ANKS1B: variants seen among roughly 807,000 people sequenced by gnomAD.
ANKS1B encodes the protein ankyrin repeat and sterile alpha motif domain containing 1B, also known as ankyrin repeat and sterile alpha motif domain-containing protein 1B.
A neutral mutation model predicts 148.3 loss-of-function variants in ANKS1B; 36 were observed. The ratio of observed to expected loss-of-function variants is 0.24; its 90% confidence interval spans 0.19 to 0.32. ANKS1B has a LOEUF of 0.32. Ranked by LOEUF, ANKS1B falls within the 10% of genes least tolerant of loss-of-function variation. The pLI is 1.00. For missense variants in ANKS1B, 1,157 were observed against 1,542.6 expected (o/e 0.75, Z 4.19); for synonymous variants, 542 against 560.8 (o/e 0.97, Z 0.47).
intron 12 of ANKS1B, among the ~76,000 whole-genome samples, chr12:99,260,217 A>C (rs1398506895): frequency 6.6e-6 from 1 of 152,250 alleles, no homozygotes; most frequent in African/African-American, 2.4e-5. Flanking sequence ...TAAAACAAAA[A>C]AAGATCTACG....
intron 11 of ANKS1B, among the ~76,000 whole-genome samples, chr12:99,438,820 G>A (rs187008694): frequency 5.3e-5 from 8 of 151,784 alleles, no homozygotes; most frequent in South Asian, 4.2e-4. Context: ...TAGGGAACAA[G>A]GCAATAATTC....
chr12:99,201,154 G>C lies in ANKS1B; in HGVS notation c.2419+43188C>G, dbSNP rs530609065. On this transcript the variant is annotated intron_variant, in intron 14 of 26. Coordinates refer to ENST00000683438, the MANE Select transcript of ANKS1B (RefSeq NM_001352186.2). ...GGCAGGAAATAAGCAAGAGAGGCAG[G>C]TGAGGGCCTGATCACGCATGGTGTA... 7.2e-5 allele frequency among the ~76,000 whole-genome samples: 11 copies of C among 152,272 alleles called. No individual in the cohort carries two copies. The East Asian group carries it at 2.1e-3, about 29-fold the overall frequency.
chr12:98,752,251 G>A (rs2098113164), intron 25 of ANKS1B, among the ~76,000 whole-genome samples: 1 of 135,248 alleles, frequency 7.4e-6, no homozygotes, highest in African/African-American at 3.0e-5. Context: ...TGTGTCACGG[G>A]TGCATTTTTT....
chr12:99,530,091 G>T (rs2096972255), intron 9 of ANKS1B, among the ~76,000 whole-genome samples: 1 of 152,196 alleles, frequency 6.6e-6, no homozygotes, highest in Admixed American at 6.5e-5. Context: ...CACAGAAGCA[G>T]CCACGTACAA....
At chr12:99,128,743 TC>T (rs1305152166) in intron 15 of ANKS1B, among the ~76,000 whole-genome samples, 1 of 152,152 alleles carries the variant, frequency 6.6e-6, no homozygotes, top group African/African-American at 2.4e-5. Context: ...AGTAATCCAA[TC>T]CTGTCACTGT....
At chr12:98,847,667 C>T (rs2099489180) in intron 17 of ANKS1B, among the ~76,000 whole-genome samples, 1 of 152,136 alleles carries the variant, frequency 6.6e-6, no homozygotes, top group Non-Finnish European at 1.5e-5. Context: ...GAGATCTTGG[C>T]TCACTGCAAC....
At chr12:98,880,533 G>A (rs1370743472) in intron 17 of ANKS1B, among the ~76,000 whole-genome samples, 2 of 152,228 alleles carry the variant, frequency 1.3e-5, no homozygotes, top group East Asian at 1.9e-4. Flanking sequence ...TTGGGAGGCC[G>A]AGGCGGGTGG....
chr12:99,436,129 T>C (rs2095456902), intron 11 of ANKS1B, among the ~76,000 whole-genome samples: 1 of 152,062 alleles, frequency 6.6e-6, no homozygotes, highest in Non-Finnish European at 1.5e-5. Flanking sequence ...GACTACATAC[T>C]ACTGCCATCT....
intron 17 of ANKS1B, among the ~76,000 whole-genome samples, chr12:98,905,821 T>A (rs1472504812): frequency 2.1e-5 from 3 of 142,222 alleles, no homozygotes; most frequent in Admixed American, 1.4e-4. Context: ...GAGCCAGGCA[T>A]TTTTCAGCCA....
At chr12:99,933,349 G>A (rs941969782) in intron 1 of ANKS1B, among the ~76,000 whole-genome samples, 1 of 152,020 alleles carries the variant, frequency 6.6e-6, no homozygotes, top group Non-Finnish European at 1.5e-5. Context: ...GACTGCTTTG[G>A]GTAGTATGGA....
chr12:99,269,628 G>C (rs755289546), intron 12 of ANKS1B, among the ~76,000 whole-genome samples: 1 of 151,980 alleles, frequency 6.6e-6, no homozygotes, highest in Non-Finnish European at 1.5e-5. Flanking sequence ...GCGCAATCTC[G>C]GCTCACTGCA....
chr12:98,791,769 A>C (rs61541642), intron 22 of ANKS1B, among the ~76,000 whole-genome samples: 7,479 of 152,260 alleles, frequency 0.049, 515 homozygotes, highest in African/African-American at 0.15. Flanking sequence ...TTTTTTTCCC[A>C]GTCTGATTCC....
chr12:99,468,355 T>A (rs1344101266), intron 10 of ANKS1B, among the ~76,000 whole-genome samples: 2 of 152,134 alleles, frequency 1.3e-5, no homozygotes, highest in Non-Finnish European at 2.9e-5. Flanking sequence ...AATCTAGGCA[T>A]TACCATTCAG....
At chr12:98,791,346 G>T (rs927121160) in intron 22 of ANKS1B, among the ~76,000 whole-genome samples, 1 of 142,134 alleles carries the variant, frequency 7.0e-6, no homozygotes, top group East Asian at 2.0e-4. Context: ...AAAAAAAAAA[G>T]AAAACATTCA....
intron 10 of ANKS1B, among the ~76,000 whole-genome samples, chr12:99,471,423 G>A (rs1192120612): frequency 3.3e-5 from 5 of 151,936 alleles, no homozygotes; most frequent in Non-Finnish European, 5.9e-5. Flanking sequence ...CTGAGCTCTT[G>A]ATGAATGTGT....
At chr12:99,111,281 A>G (rs865832365) in intron 15 of ANKS1B, among the ~76,000 whole-genome samples, 1 of 152,238 alleles carries the variant, frequency 6.6e-6, no homozygotes. Context: ...AAGCTAAAGA[A>G]AAAGCAAGTC....
intron 12 of ANKS1B, among the ~76,000 whole-genome samples, chr12:99,356,936 C>CT (rs11406224): frequency 0.48 from 70,124 of 145,936 alleles, 18,106 homozygotes; most frequent in Non-Finnish European, 0.59. Context: ...TTCTTCTAGA[C>CT]TTTTTTTTTT....
chr12:99,504,468 G>T lies in ANKS1B; in HGVS notation c.1438+8C>A. 6.8e-6 allele frequency: 11 copies of T among 1,610,860 alleles called. No individual in the cohort carries two copies. Among genetic ancestry groups the T allele is most frequent in the Non-Finnish European group, 9.3e-6 (11 of 1,178,892 alleles). ...TGAATCAGGCCAATTGTGAGTAAGA[G>T]ATATTACCAGTTCTTGGGGAAGGTG... On this transcript the variant is annotated splice_region_variant and intron_variant, in intron 10 of 26. Transcript: ENST00000683438.
chr12:99,134,573 TCCCCACCC>T (rs1056300967), intron 15 of ANKS1B, among the ~76,000 whole-genome samples: 8 of 151,354 alleles, frequency 5.3e-5, no homozygotes, highest in African/African-American at 1.9e-4. Flanking sequence ...AACACACATA[TCCCCACCC>T]CAATCTCTCT....
Sources: allele counts gnomAD v4.1 joint callset (sites outside exome capture counted in the v4.1 genomes callset), GRCh38; gene constraint gnomAD v4.1.1; transcripts MANE v1.5; gene names NCBI Gene and HGNC (gene_info 2026-07-23, HGNC 2026-07-21).